Variants in OSBPL8 observed in about 807,000 individuals in gnomAD.
OSBPL8 encodes the protein oxysterol binding protein like 8.
A neutral mutation model predicts 125.5 loss-of-function variants in OSBPL8; 59 were observed. The ratio of observed to expected loss-of-function variants is 0.47; its 90% CI spans 0.38 to 0.58. The LOEUF (loss-of-function observed/expected upper bound fraction) is 0.58, where lower values mean the gene tolerates loss of function less well. OSBPL8 is among the 20% of genes least tolerant of loss of function. The pLI is 0.00. For synonymous variants in OSBPL8, 330 were observed against 338.9 expected (o/e 0.97, Z 0.29); for missense variants, 758 against 1,047.8 (o/e 0.72, Z 3.82).
intron 1 of OSBPL8, among the ~76,000 whole-genome samples, chr12:76,499,638 G>A (rs1264064914): frequency 6.6e-6 from 1 of 152,100 alleles, no homozygotes; most frequent in Non-Finnish European, 1.5e-5. Context: ...ATCACCAGAG[G>A]TCAGGAGTTT....
intron 9 of OSBPL8, among the ~76,000 whole-genome samples, chr12:76,394,054 T>A (rs1411231615): frequency 6.6e-6 from 1 of 152,028 alleles, no homozygotes; most frequent in African/African-American, 2.4e-5. Context: ...AAAAATCAGA[T>A]AAAAGTAAAC....
intron 1 of OSBPL8, among the ~76,000 whole-genome samples, chr12:76,512,116 C>T (rs749510045): frequency 1.3e-5 from 2 of 152,190 alleles, no homozygotes; most frequent in African/African-American, 2.4e-5. Flanking sequence ...TGCTCCTCTA[C>T]CTCATATAAC....
rs774283669 is a variant in OSBPL8, at chr12:76,450,908, T to A, written c.160A>T (p.Thr54Ser). The change falls in exon 4 of 24, where the codon ACG becomes TCG. Residue 54 changes from threonine to serine, a missense_variant. Physicochemically the swap from Thr to Ser is moderately conservative, Grantham distance 58. Around this residue, in one of 3 missense-constraint regions of OSBPL8, gnomAD observed 117 missense variants for 137.1 expected, o/e 0.85. Transcript: ENST00000261183. ...GGCTGATGCAAATCTTTGGTTGGCG[T>A]TGGATAAGCTTCTTTTCCTTGGCGC... ...SQRQGKEAYP[T>S]PTKDLHQPSL... The A allele has an allele frequency of 1.2e-6, 2 of 1,614,006 alleles. No homozygotes were observed. The highest frequency in any genetic ancestry group is 1.7e-5 in the Admixed American group (1 of 59,998).
At chr12:76,536,011 G>A (rs1008451341) in intron 1 of OSBPL8, among the ~76,000 whole-genome samples, 1 of 151,948 alleles carries the variant, frequency 6.6e-6, no homozygotes, top group Non-Finnish European at 1.5e-5. Context: ...TACTTAAAAT[G>A]GTTTCATTTT....
At chr12:76,552,288 C>T (rs1477381785) in intron 1 of OSBPL8, among the ~76,000 whole-genome samples, 3 of 151,554 alleles carry the variant, frequency 2.0e-5, no homozygotes, top group Non-Finnish European at 2.9e-5. Flanking sequence ...TTGCCAGGCA[C>T]GGTGGCACAT....
At chr12:76,541,098 A>T (rs1396614139) in intron 1 of OSBPL8, among the ~76,000 whole-genome samples, 1 of 152,260 alleles carries the variant, frequency 6.6e-6, no homozygotes, top group Non-Finnish European at 1.5e-5. Context: ...TAACGCAAGA[A>T]GATGGCACAA....
intron 1 of OSBPL8, among the ~76,000 whole-genome samples, chr12:76,554,477 C>A (rs952295590): frequency 6.6e-6 from 1 of 152,228 alleles, no homozygotes; most frequent in African/African-American, 2.4e-5. Flanking sequence ...CCACCTACTA[C>A]TTAACTTCTC....
chr12:76,539,054 G>GGGGGGGA (rs2137405838), intron 1 of OSBPL8, among the ~76,000 whole-genome samples: 1 of 137,954 alleles, frequency 7.2e-6, no homozygotes, highest in South Asian at 2.8e-4. Context: ...ATAACTGGGG[G>GGGGGGGA]GGGGGAGGGG....
intron 4 of OSBPL8, among the ~76,000 whole-genome samples, chr12:76,438,553 T>C (rs1871783378): frequency 6.6e-6 from 1 of 152,192 alleles, no homozygotes. Context: ...CTTTACTTTT[T>C]ATTCACTGGC....
chr12:76,504,271 G>A (rs1880198369), intron 1 of OSBPL8, among the ~76,000 whole-genome samples: 1 of 151,924 alleles, frequency 6.6e-6, no homozygotes, highest in African/African-American at 2.4e-5. Context: ...TGTTGGTACT[G>A]TTTTTCTAGA....
intron 4 of OSBPL8, among the ~76,000 whole-genome samples, chr12:76,417,647 C>A (rs978175998): frequency 6.6e-6 from 1 of 152,106 alleles, no homozygotes; most frequent in Non-Finnish European, 1.5e-5. Context: ...AGTATGTACA[C>A]CGAGTTTTAA....
intron 15 of OSBPL8, among the ~76,000 whole-genome samples, chr12:76,381,617 T>C (rs539975400): frequency 6.6e-6 from 1 of 152,202 alleles, no homozygotes; most frequent in African/African-American, 2.4e-5. Context: ...ATGTTCTTTA[T>C]CTCTATTAAC....
intron 2 of OSBPL8, among the ~76,000 whole-genome samples, chr12:76,460,776 C>T (rs1228485242): frequency 1.3e-5 from 2 of 152,174 alleles, no homozygotes; most frequent in African/African-American, 4.8e-5. Flanking sequence ...CTCAGCTCTC[C>T]TTCATTTTAA....
At chr12:76,518,266 G>C (rs1315745117) in intron 1 of OSBPL8, among the ~76,000 whole-genome samples, 2 of 152,276 alleles carry the variant, frequency 1.3e-5, no homozygotes, top group African/African-American at 4.8e-5. Context: ...AACCCAGCAG[G>C]GCAGACATTA....
chr12:76,424,694 T>C (rs1284982833), intron 4 of OSBPL8, among the ~76,000 whole-genome samples: 1 of 152,208 alleles, frequency 6.6e-6, no homozygotes, highest in African/African-American at 2.4e-5. Flanking sequence ...ATAGTAGTAC[T>C]GATATTATAG....
At chr12:76,521,636 A>G (rs1882070253) in intron 1 of OSBPL8, among the ~76,000 whole-genome samples, 1 of 152,166 alleles carries the variant, frequency 6.6e-6, no homozygotes, top group Non-Finnish European at 1.5e-5. Context: ...AGATTCTGAC[A>G]TATGCTACAC....
intron 3 of OSBPL8, among the ~76,000 whole-genome samples, chr12:76,453,404 C>T (rs1308800314): frequency 6.6e-6 from 1 of 151,878 alleles, no homozygotes; most frequent in Non-Finnish European, 1.5e-5. Flanking sequence ...GATAAATTGA[C>T]CTAAAGAACA....
intron 9 of OSBPL8, among the ~76,000 whole-genome samples, chr12:76,392,974 G>C (rs1953627424): frequency 6.6e-6 from 1 of 152,102 alleles, no homozygotes; most frequent in Non-Finnish European, 1.5e-5. Context: ...GCATGCATTA[G>C]AAACTATACC....
chr12:76,390,460 T>C lies in OSBPL8; in HGVS notation c.1127A>G (p.Glu376Gly). 6.2e-7 allele frequency: 1 copy of C among 1,613,864 alleles called. No homozygotes were observed. Among genetic ancestry groups the C allele is most frequent in the Non-Finnish European group, 8.5e-7 (1 of 1,179,860 alleles). The change falls in exon 11 of 24, where the codon GAG (glutamate) becomes GGG (glycine). Residue 376 changes from glutamate (E) to glycine (G), a missense_variant. Physicochemically the swap from Glu to Gly is moderately conservative, Grantham distance 98. Transcript: ENST00000261183. ...IEPEPVEPLK[E>G]TTYTEQSHEE... ...ATGGCTCTGTTCAGTGTAGGTAGTC[T>C]CCTTTAAAGGCTCAACAGGCTCAGG...
Sources: allele counts gnomAD v4.1 joint callset (sites outside exome capture counted in the v4.1 genomes callset), GRCh38; gene constraint gnomAD v4.1.1; regional missense constraint gnomAD v4.1.1; transcripts MANE v1.5; gene names NCBI Gene and HGNC (gene_info 2026-07-23, HGNC 2026-07-21).